Variants in PTPN2 observed in about 807,000 individuals in gnomAD.
The protein encoded by PTPN2 is tyrosine-protein phosphatase non-receptor type 2.
In PTPN2, 19 loss-of-function variants were observed where a neutral mutation model predicts 57.3. That is an observed-to-expected ratio of 0.33 (90% CI 0.23 to 0.49). The LOEUF is 0.49. PTPN2 is among the 20% of genes least tolerant of loss of function. PTPN2 has a pLI of 0.99. For missense variants in PTPN2, 358 were observed against 501.1 expected, an observed-to-expected ratio of 0.71 and a Z score of 2.73; for synonymous variants, 153 against 164.9, an observed-to-expected ratio of 0.93 and a Z score of 0.55.
At chr18:12,812,287 C>G (rs2041917970) in intron 7 of PTPN2, among the ~76,000 whole-genome samples, 1 of 152,182 alleles carries the variant, frequency 6.6e-6, no homozygotes, top group South Asian at 2.1e-4. Flanking sequence ...TATAATTACA[C>G]ATATTTACAG....
At chr18:12,836,268 G>A (rs1458009173) in intron 3 of PTPN2, among the ~76,000 whole-genome samples, 1 of 152,230 alleles carries the variant, frequency 6.6e-6, no homozygotes, top group Non-Finnish European at 1.5e-5. Context: ...GCGCTCAGAG[G>A]CAACTGGGCA....
At chr18:12,815,122 AAAT>A (rs1598771169) in intron 6 of PTPN2, among the ~76,000 whole-genome samples, 2 of 118,292 alleles carry the variant, frequency 1.7e-5, no homozygotes, top group East Asian at 4.6e-4. Context: ...ATAAATAAAT[AAAT>A]AAATAAATAA....
chr18:12,820,655 G>C (rs185282786), intron 5 of PTPN2, among the ~76,000 whole-genome samples: 2 of 151,824 alleles, frequency 1.3e-5, no homozygotes, highest in East Asian at 3.9e-4. Flanking sequence ...TTCTCCTCTG[G>C]TCCCCAGCTG....
At chr18:12,845,652 C>T (rs528547283) in intron 2 of PTPN2, among the ~76,000 whole-genome samples, 47 of 152,284 alleles carry the variant, frequency 3.1e-4, no homozygotes, top group African/African-American at 1.0e-3. Flanking sequence ...TCCCTTCCAA[C>T]CTGTATGCCT....
Position 12,840,840 on chromosome 18 carries a change from T to A in PTPN2, c.161-3949A>T. 1.3e-6 allele frequency: 2 copies of A among 1,595,962 alleles called. 1 individual carries two copies. Among genetic ancestry groups the A allele is most frequent in the African/African-American group, 2.7e-5 (2 of 75,042 alleles). On this transcript the variant is annotated intron_variant, in intron 2 of 8. Coordinates refer to ENST00000309660, the MANE Select transcript of PTPN2 (RefSeq NM_002828.4). ...ACGTTGCTCTCCACTCAGGTGTGAC[T>A]TCCAACTCCTCTCTCACATAAACCC...
At chr18:12,790,214 G>A (rs1291559500), downstream of PTPN2, among the ~76,000 whole-genome samples, 1 of 152,086 alleles carries the variant, frequency 6.6e-6, no homozygotes, top group East Asian at 1.9e-4. Flanking sequence ...GTGAGCTACT[G>A]TGACCAGCAA....
At chr18:12,873,460 G>C (rs1448459458) in intron 1 of PTPN2, among the ~76,000 whole-genome samples, 2 of 152,192 alleles carry the variant, frequency 1.3e-5, no homozygotes, top group Non-Finnish European at 2.9e-5. Context: ...ACTGGTTTTC[G>C]TATTTTTTTG....
intron 8 of PTPN2, among the ~76,000 whole-genome samples, chr18:12,797,720 A>C (rs1013809106): frequency 6.6e-6 from 1 of 152,122 alleles, no homozygotes; most frequent in Non-Finnish European, 1.5e-5. Flanking sequence ...GTTTTCCCGT[A>C]TATTTATGCA....
At chr18:12,874,362 C>T (rs547067871) in intron 1 of PTPN2, among the ~76,000 whole-genome samples, 176 of 137,330 alleles carry the variant, frequency 1.3e-3, no homozygotes, top group African/African-American at 4.3e-3. Context: ...CGCCTCTGCC[C>T]GGCCGCCCCT....
chr18:12,849,424 C>A (rs2043316871), intron 2 of PTPN2, among the ~76,000 whole-genome samples: 1 of 152,236 alleles, frequency 6.6e-6, no homozygotes, highest in Admixed American at 6.5e-5. Context: ...CCAGACATGG[C>A]GGCTAACGCC....
Position 12,793,675 on chromosome 18 carries a change from C to CA in PTPN2, c.*602dup. On this transcript the variant is annotated 3_prime_UTR_variant, in exon 9 of 9. Coordinates refer to ENST00000309660, the MANE Select transcript of PTPN2 (RefSeq NM_002828.4). ...TCTTTAGAAAAATGGAAAATGTATC[C>CA]AGTACAATTCAATCGACATACAATT... 3.0e-6 allele frequency: 3 copies of CA among 984,194 alleles called. No individual in the cohort carries two copies. In the South Asian group the frequency reaches 1.4e-4, roughly 46 times the overall value. 61.0% of individuals were successfully genotyped at this position (984,194 alleles called of 1,614,324 possible). A position where few individuals can be genotyped will look rare whatever the true frequency, so the allele number is the denominator to read the frequency against.
At chr18:12,882,772 T>C (rs938105663) in intron 1 of PTPN2, among the ~76,000 whole-genome samples, 1 of 152,250 alleles carries the variant, frequency 6.6e-6, no homozygotes, top group Non-Finnish European at 1.5e-5. Flanking sequence ...AAGAAAACGT[T>C]ACTTTCTGAA....
chr18:12,824,556 G>A (rs1030989175), intron 5 of PTPN2, among the ~76,000 whole-genome samples: 1 of 152,118 alleles, frequency 6.6e-6, no homozygotes, highest in Non-Finnish European at 1.5e-5. Context: ...AGTCATATGA[G>A]GCTAAACATT....
chr18:12,796,309 C>G (rs76169829), intron 8 of PTPN2, among the ~76,000 whole-genome samples: 2,152 of 152,190 alleles, frequency 0.014, 49 homozygotes, highest in African/African-American at 0.049. Flanking sequence ...GTGGTGCCAG[C>G]TACACAATTT....
intron 7 of PTPN2, among the ~76,000 whole-genome samples, chr18:12,807,586 A>AAAAAATATATATAT: frequency 2.8e-5 from 1 of 35,194 alleles, no homozygotes; most frequent in African/African-American, 7.0e-5. Flanking sequence ...AAAAAAAAAA[A>AAAAAATATATATAT]ATATATATAT....
At chr18:12,841,108 C>T in intron 2 of PTPN2, 2 of 776,090 alleles carry the variant, frequency 2.6e-6, no homozygotes, top group South Asian at 4.3e-5. Context: ...TACTTTATTG[C>T]ATAAAATATT....
At chr18:12,871,394 C>CATA (rs1214737010) in intron 1 of PTPN2, among the ~76,000 whole-genome samples, 4 of 152,030 alleles carry the variant, frequency 2.6e-5, no homozygotes, top group African/African-American at 9.7e-5. Flanking sequence ...TTATTATAGT[C>CATA]ATAATTTGAA....
chr18:12,841,474 C>T (rs894712267), intron 2 of PTPN2, among the ~76,000 whole-genome samples: 4 of 152,144 alleles, frequency 2.6e-5, no homozygotes, highest in African/African-American at 9.7e-5. Context: ...ACACTGAAAG[C>T]GTAATCAAAA....
chr18:12,838,304 G>C (rs142332043), intron 2 of PTPN2, among the ~76,000 whole-genome samples: 117 of 152,244 alleles, frequency 7.7e-4, no homozygotes, highest in Non-Finnish European at 1.5e-3. Context: ...TAAAACCCGG[G>C]AAGGTCCACC....
Sources: allele counts gnomAD v4.1 joint callset (sites outside exome capture counted in the v4.1 genomes callset), GRCh38; gene constraint gnomAD v4.1.1; transcripts MANE v1.5; gene names NCBI Gene and HGNC (gene_info 2026-07-23, HGNC 2026-07-21).